The following HACD2 variants were observed in gnomAD, a reference collection of about 807,000 sequenced individuals.
HACD2 encodes the protein 3-hydroxyacyl-CoA dehydratase 2, also known as very-long-chain (3R)-3-hydroxyacyl-CoA dehydratase 2.
Under a neutral mutation model 31.0 loss-of-function variants are expected in HACD2, and 15 were observed. That is an observed-to-expected ratio of 0.48 (90% CI 0.32 to 0.75). The LOEUF is 0.75. Ranked by LOEUF, HACD2 falls within the 30% of genes least tolerant of loss-of-function variation. The pLI is 0.03. For synonymous variants in HACD2, 115 were observed against 122.2 expected (o/e 0.94, Z 0.39); for missense variants, 283 against 313.0 (o/e 0.90, Z 0.72).
At chr3:123,540,364 A>G (rs1387574490) in intron 3 of HACD2, among the ~76,000 whole-genome samples, 1 of 152,170 alleles carries the variant, frequency 6.6e-6, no homozygotes, top group African/African-American at 2.4e-5. Context: ...CTTTTTTGAA[A>G]GCTTTCTCGA....
At chr3:123,535,989 G>A (rs888869395) in intron 3 of HACD2, among the ~76,000 whole-genome samples, 2 of 152,164 alleles carry the variant, frequency 1.3e-5, no homozygotes, top group African/African-American at 4.8e-5. Flanking sequence ...CTAGCATTCA[G>A]AGATAAAGTA....
intron 4 of HACD2, among the ~76,000 whole-genome samples, chr3:123,521,104 T>C (rs1370332045): frequency 6.6e-6 from 1 of 152,134 alleles, no homozygotes; most frequent in Admixed American, 6.5e-5. Flanking sequence ...CACCCGACAG[T>C]ATAGACACAT....
chr3:123,527,180 T>A (rs2056295071), intron 4 of HACD2, among the ~76,000 whole-genome samples: 1 of 152,164 alleles, frequency 6.6e-6, no homozygotes, highest in Admixed American at 6.5e-5. Flanking sequence ...GAAGATAAAA[T>A]TATGAGTTGT....
At chr3:123,563,952 G>A (rs1338596143) in intron 3 of HACD2, among the ~76,000 whole-genome samples, 1 of 152,186 alleles carries the variant, frequency 6.6e-6, no homozygotes, top group Non-Finnish European at 1.5e-5. Context: ...GAATCCAGAT[G>A]AGACGTACTG....
chr3:123,499,168 G>A (rs2055872367), intron 6 of HACD2: 1 of 155,574 alleles, frequency 6.4e-6, no homozygotes, highest in African/African-American at 2.4e-5. Context: ...AATAAAGCCT[G>A]TGGTGCCCAC....
intron 4 of HACD2, among the ~76,000 whole-genome samples, chr3:123,506,007 C>A (rs112472790): frequency 2.0e-5 from 3 of 152,164 alleles, no homozygotes; most frequent in African/African-American, 7.2e-5. Context: ...TGGCCTGGGG[C>A]GGCCAGGGCT....
intron 4 of HACD2, among the ~76,000 whole-genome samples, chr3:123,523,636 T>C (rs1286885997): frequency 6.6e-6 from 1 of 152,170 alleles, no homozygotes; most frequent in Admixed American, 6.5e-5. Context: ...TCTAATTACC[T>C]AGAAAAGAAT....
chr3:123,553,651 A>G (rs2056642632), intron 3 of HACD2, among the ~76,000 whole-genome samples: 2 of 152,228 alleles, frequency 1.3e-5, no homozygotes, highest in African/African-American at 4.8e-5. Context: ...TAAAAACACT[A>G]GATTCCTCAA....
At chr3:123,506,419 TC>T (rs1485493122) in intron 4 of HACD2, among the ~76,000 whole-genome samples, 1 of 152,080 alleles carries the variant, frequency 6.6e-6, no homozygotes, top group Non-Finnish European at 1.5e-5. Context: ...TCCTCCCCAT[TC>T]TTTTTTTCTT....
intron 3 of HACD2, among the ~76,000 whole-genome samples, chr3:123,540,478 A>G (rs559967085): frequency 2.6e-4 from 40 of 152,294 alleles, no homozygotes; most frequent in Non-Finnish European, 4.7e-4. Context: ...AATGACACAT[A>G]TTTCCTTTCT....
chr3:123,502,038 C>G (rs1355904480), intron 5 of HACD2, among the ~76,000 whole-genome samples: 1 of 152,136 alleles, frequency 6.6e-6, no homozygotes, highest in Non-Finnish European at 1.5e-5. Flanking sequence ...AGCCTTTTAC[C>G]AAAGTCATCA....
chr3:123,496,374 C>T (rs1030096887), intron 6 of HACD2, among the ~76,000 whole-genome samples: 2 of 152,160 alleles, frequency 1.3e-5, no homozygotes, highest in Non-Finnish European at 2.9e-5. Flanking sequence ...ATAATTTCTA[C>T]TACTCCCAAC....
At position 123,563,636 on chromosome 3, in the gene HACD2, A is replaced by T. The variant is rs895148114; in HGVS notation, c.292+4126T>A. On this transcript the variant is annotated intron_variant, in intron 3 of 6. Coordinates refer to ENST00000383657, the MANE Select transcript of HACD2 (RefSeq NM_198402.5). Reference sequence around the variant, plus strand: ...TTCTTCTTTTTTGAATTGACAAAAAAATATATATACACACACACACACACA... The same window carrying T: ...TTCTTCTTTTTTGAATTGACAAAAATATATATATACACACACACACACACA... Among the ~76,000 whole-genome samples, 12 of 90,870 alleles carry T rather than the reference A, an allele frequency of 1.3e-4. No individual in the cohort carries two copies. In the East Asian group the frequency reaches 2.4e-3, roughly 18 times the overall value. 59.6% of individuals were successfully genotyped at this position (90,870 alleles called of 152,430 possible). A position where few individuals can be genotyped will look rare whatever the true frequency, so the allele number is the denominator to read the frequency against.
chr3:123,524,672 CTTGTTTT>C (rs1390951733), intron 4 of HACD2, among the ~76,000 whole-genome samples: 1 of 152,116 alleles, frequency 6.6e-6, no homozygotes, highest in Non-Finnish European at 1.5e-5. Flanking sequence ...GTCAGGTTTT[CTTGTTTT>C]TTGTTTTGTA....
At chr3:123,567,408 T>C (rs2056803498) in intron 3 of HACD2, among the ~76,000 whole-genome samples, 1 of 152,182 alleles carries the variant, frequency 6.6e-6, no homozygotes, top group Non-Finnish European at 1.5e-5. Flanking sequence ...AATGATACCA[T>C]TTAAGTGATC....
chr3:123,549,885 A>C lies in HACD2; in HGVS notation c.292+17877T>G, dbSNP rs190396242. On this transcript the variant is annotated intron_variant, in intron 3 of 6. Coordinates refer to ENST00000383657, the MANE Select transcript of HACD2 (RefSeq NM_198402.5). ...GATTTCTGGGGGTGTTTTCTGCCCC[A>C]AAATTATAACTGCAGTCTTCAAGGC... is the stretch of plus-strand genomic sequence containing the variant. 1.8e-3 allele frequency among the ~76,000 whole-genome samples: 281 copies of C among 152,272 alleles called. 6 individuals carry two copies. The highest frequency in any genetic ancestry group is 0.015 in the Admixed American group (228 of 15,290).
chr3:123,571,965 C>A lies in HACD2; in HGVS notation c.274-4185G>T, dbSNP rs548909487. On this transcript the variant is annotated intron_variant, in intron 2 of 6. Coordinates refer to ENST00000383657, the MANE Select transcript of HACD2 (RefSeq NM_198402.5). ...TTGGCCTGGGGAGATATGCAGAAGCCAAGGAGGATGCAGAACAAATCTTCA... is the reference window on the plus strand; with the variant it reads ...TTGGCCTGGGGAGATATGCAGAAGCAAAGGAGGATGCAGAACAAATCTTCA... 2.0e-5 allele frequency among the ~76,000 whole-genome samples: 3 copies of A among 152,140 alleles called. No homozygotes were observed. In the East Asian group the frequency reaches 5.8e-4, roughly 29 times the overall value.
chr3:123,516,751 T>C (rs937408547), intron 4 of HACD2, among the ~76,000 whole-genome samples: 1 of 152,252 alleles, frequency 6.6e-6, no homozygotes, highest in African/African-American at 2.4e-5. Flanking sequence ...TGATCGATTC[T>C]GCATTTATGA....
intron 2 of HACD2, 59 bp from the exon 3 acceptor site, chr3:123,567,839 T>A: frequency 1.8e-6 from 2 of 1,137,946 alleles, no homozygotes; most frequent in Non-Finnish European, 2.5e-6. Context: ...ATTAAAGTTT[T>A]ATTTCATATA....
Sources: gnomAD v4.1 joint callset for allele counts (sites outside exome capture counted in the v4.1 genomes callset) on GRCh38, gnomAD v4.1.1 for gene constraint, MANE v1.5 for transcripts, NCBI Gene and HGNC (gene_info 2026-07-23, HGNC 2026-07-21) for gene names.